DUOX1: variants seen among roughly 807,000 people sequenced by gnomAD.
DUOX1 encodes dual oxidase 1.
DUOX1 carries 134 observed loss-of-function variants against 181.8 expected under a neutral mutation model. The ratio of observed to expected loss-of-function variants is 0.74; its 90% confidence interval spans 0.64 to 0.85. DUOX1 has a LOEUF of 0.85. DUOX1 is among the 40% of genes least tolerant of loss of function. DUOX1 has a pLI of 0.00. For missense variants in DUOX1, 1,814 were observed against 2,064.4 expected (o/e 0.88, Z 2.35); for synonymous variants, 798 against 832.5 (o/e 0.96, Z 0.71).
At chr15:45,130,512 G>T (rs1461735000) in intron 1 of DUOX1, among the ~76,000 whole-genome samples, 1 of 152,190 alleles carries the variant, frequency 6.6e-6, no homozygotes, top group Non-Finnish European at 1.5e-5. Context: ...AGGGCTTCAG[G>T]CTGGAAAAGC....
rs757649675 is a variant in DUOX1 at position 45,161,821 on chromosome 15, G to A, written c.3940G>A (p.Gly1314Arg). ...GGTGCGGATCGCTTGCCTGGCTCTG[G>A]GGACCACCGAGTACCACCCCTTCAC... is the stretch of plus-strand genomic sequence containing the variant. Reference protein sequence around the residue: ...QWVRIACLALGTTEYHPFTLT... With the variant: ...QWVRIACLALRTTEYHPFTLT... The change falls in exon 30 of 34, where the codon GGG (glycine) becomes AGG (arginine). Residue 1314 changes from glycine (G) to arginine (R), a missense_variant. Gly to Arg is a moderately radical substitution (Grantham distance 125, BLOSUM62 -2). Transcript: ENST00000389037. 2.5e-6 allele frequency: 4 copies of A among 1,613,908 alleles called. No homozygotes were observed. Among genetic ancestry groups the A allele is most frequent in the Non-Finnish European group, 3.4e-6 (4 of 1,179,974 alleles).
At position 45,131,751 on chromosome 15, in the gene DUOX1, T is replaced by C. The variant is rs533730853; in HGVS notation, c.-49-167T>C. ...CTGGTATGTAGTGGTGCTCATGAAG[T>C]ATTTGCCGAATCAATTAAAGAATTT... is the stretch of plus-strand genomic sequence containing the variant. On this transcript the variant is annotated intron_variant, in intron 1 of 33. Transcript: ENST00000389037. 486 of 595,746 alleles carry C rather than the reference T, an allele frequency of 8.2e-4. 9 individuals carry two copies. In the South Asian group the frequency reaches 9.5e-3, roughly 12 times the overall value. The allele number at this position is 595,746 out of a possible 1,614,324, so 36.9% of individuals were successfully genotyped here.
chr15:45,160,491 T>G lies in DUOX1; in HGVS notation c.3703-346T>G, dbSNP rs141504855. Among the ~76,000 whole-genome samples the G allele has an allele frequency of 5.9e-5, 9 of 152,214 alleles. No individual in the cohort carries two copies. The East Asian group carries it at 1.7e-3, about 29-fold the overall frequency. ...GGGGATGAACAGGATAAAATGAACT[T>G]TAAAAAGTCACACTGGCTGCCTTGA... is the stretch of plus-strand genomic sequence containing the variant. On this transcript the variant is annotated intron_variant, in intron 28 of 33. Coordinates refer to ENST00000389037, the MANE Select transcript of DUOX1 (RefSeq NM_175940.3).
rs750680507 is a variant in DUOX1, at chr15:45,152,259, G to T, written c.3194-27G>T. 2.5e-6 allele frequency: 4 copies of T among 1,599,444 alleles called. No individual in the cohort carries two copies. The African/African-American group carries it at 5.4e-5, about 21-fold the overall frequency. On this transcript the variant is annotated intron_variant, in intron 24 of 33. Coordinates refer to ENST00000389037, the MANE Select transcript of DUOX1 (RefSeq NM_175940.3). ...CTCTCTGTCCTCTGCACTGACCCTC[G>T]CTTGCCTGCCTGGGCCCCCTCCACA...
At chr15:45,139,821 G>C in intron 12 of DUOX1, 1 of 624,666 alleles carries the variant, frequency 1.6e-6, no homozygotes, top group Non-Finnish European at 2.7e-6. Flanking sequence ...CAGCAAGCGT[G>C]TATTAAGCAT....
intron 10 of DUOX1, among the ~76,000 whole-genome samples, chr15:45,138,460 G>T (rs1896396097): frequency 6.6e-6 from 1 of 152,198 alleles, no homozygotes; most frequent in Non-Finnish European, 1.5e-5. Context: ...TGTGAGGGGG[G>T]TGGGGAGGAA....
chr15:45,135,425 A>G (rs953706644), intron 5 of DUOX1, 49 bp from the exon 6 acceptor site: 183 of 1,531,150 alleles, frequency 1.2e-4, no homozygotes, highest in East Asian at 2.0e-4. Context: ...GGCCTTCCCT[A>G]GCTCGCCGCC....
At chr15:45,139,331 T>G in intron 11 of DUOX1, 96 bp from the exon 12 acceptor site, 1 of 1,588,828 alleles carries the variant, frequency 6.3e-7, no homozygotes, top group South Asian at 1.1e-5. Context: ...TCCTTCTGGC[T>G]CAAGTCTCCT....
At chr15:45,151,422 A>G (rs1462814378) in intron 23 of DUOX1, among the ~76,000 whole-genome samples, 174 bp downstream of exon 23, 1 of 152,192 alleles carries the variant, frequency 6.6e-6, no homozygotes, top group Non-Finnish European at 1.5e-5. Context: ...GATAATTTCA[A>G]TGTCCCACTG....
chr15:45,151,219 CCAG>C lies in DUOX1; in HGVS notation c.2986_2988del (p.Gln996del). ...AGTGCCCCATGGACACAGACCCTCC[CCAG>C]GAGATTCGGCGGAGGTTTGGCAAGA... is the stretch of plus-strand genomic sequence containing the variant. On this transcript the variant is annotated inframe_deletion, in exon 23 of 34. Coordinates refer to ENST00000389037, the MANE Select transcript of DUOX1 (RefSeq NM_175940.3). The C allele has an allele frequency of 6.2e-7, 1 of 1,614,150 alleles. No individual in the cohort carries two copies. The highest frequency in any genetic ancestry group is 8.5e-7 in the Non-Finnish European group (1 of 1,180,006).
chr15:45,146,106 G>A (rs1896646300), intron 18 of DUOX1, among the ~76,000 whole-genome samples: 1 of 152,286 alleles, frequency 6.6e-6, no homozygotes, highest in East Asian at 1.9e-4. Context: ...GTGAGATCAT[G>A]ATGGAGGTGA....
In DUOX1 at chr15:45,161,914, C is replaced by T. The variant is rs750784347; in HGVS notation, c.4033C>T (p.Arg1345Cys). The part of the protein sequence containing the change: ...HIRAAGPWTT[R>C]LREIYSAPTG... ...CCGGGCAGCAGGGCCCTGGACCACT[C>T]GCCTCAGGGAGATCTACTCAGCCCC... The change falls in exon 30 of 34, where the codon CGC becomes TGC. Residue 1345 changes from arginine to cysteine, a missense_variant. Transcript: ENST00000389037. The T allele has an allele frequency of 6.1e-5, 99 of 1,613,138 alleles. No homozygotes were observed. The highest frequency in any genetic ancestry group is 7.6e-5 in the Non-Finnish European group (90 of 1,179,784).
At chr15:45,160,788 T>G (rs1157806506) in intron 28 of DUOX1, 49 bp from the exon 29 acceptor site, 1 of 1,553,484 alleles carries the variant, frequency 6.4e-7, no homozygotes. Flanking sequence ...GGCCCTGTAT[T>G]CTGCTATGGG....
intron 12 of DUOX1, 70 bp downstream of exon 12, chr15:45,139,669 T>C (rs1278997902): frequency 4.1e-6 from 6 of 1,462,748 alleles, no homozygotes; most frequent in Admixed American, 2.7e-5. Flanking sequence ...ACATGGAAGA[T>C]AGGCAGTGAA....
At chr15:45,144,320 G>A (rs1896593419) in intron 17 of DUOX1, 85 bp downstream of exon 17, 1 of 1,432,956 alleles carries the variant, frequency 7.0e-7, no homozygotes, top group Admixed American at 1.8e-5. Context: ...ATGGGGTCAG[G>A]AGGCAGGAAA....
At position 45,141,078 on chromosome 15, in the gene DUOX1, G is replaced by A. The variant is rs571724285; in HGVS notation, c.1565+8G>A. 4.1e-5 allele frequency: 66 copies of A among 1,614,170 alleles called. No homozygotes were observed. Among genetic ancestry groups the A allele is most frequent in the Non-Finnish European group, 5.1e-5 (60 of 1,180,010 alleles). On this transcript the variant is annotated splice_region_variant and intron_variant, in intron 13 of 33. Transcript: ENST00000389037. ...TGAGAACACCAGGAATGGGTAAGGC[G>A]TGCTGGGCCTCCGCCTCAGGCTCTA...
rs150063759 is a variant in DUOX1, at chr15:45,135,198, C to G, written c.402C>G (p.Phe134Leu). The G allele has an allele frequency of 5.6e-6, 9 of 1,613,686 alleles. No homozygotes were observed. In the African/African-American group the frequency reaches 1.2e-4, roughly 22 times the overall value. Residue 134 changes from phenylalanine (F) to leucine (L), a missense_variant, in exon 5 of 34, where the codon TTC (phenylalanine) becomes TTG (leucine). Phe to Leu is a conservative substitution (Grantham distance 22, BLOSUM62 0). Transcript: ENST00000389037. ...GCATCCCGCCCGGAGACCCCATGTT[C>G]GACCCCGACCAGCGCGGGGACGTGG... ...NIRIPPGDPM[F>L]DPDQRGDVVL...
chr15:45,134,581 T>G (rs906819138), intron 4 of DUOX1, among the ~76,000 whole-genome samples: 4 of 152,032 alleles, frequency 2.6e-5, no homozygotes, highest in Non-Finnish European at 5.9e-5. Flanking sequence ...CGTTGGGTTG[T>G]TGGTGGGGGT....
At chr15:45,164,552 T>G (rs943933559) in intron 33 of DUOX1, among the ~76,000 whole-genome samples, 8 of 151,274 alleles carry the variant, frequency 5.3e-5, no homozygotes, top group Middle Eastern at 3.4e-3. Context: ...TACTGTAACC[T>G]CCAACTCCTG....
Sources: gnomAD v4.1 joint callset for allele counts (sites outside exome capture counted in the v4.1 genomes callset) on GRCh38, gnomAD v4.1.1 for gene constraint, MANE v1.5 for transcripts, NCBI Gene and HGNC (gene_info 2026-07-23, HGNC 2026-07-21) for gene names.